The following PTCHD4 variants were observed in gnomAD, a reference collection of about 807,000 sequenced individuals.
The protein encoded by PTCHD4 is patched domain-containing protein 4.
A neutral mutation model predicts 58.1 loss-of-function variants in PTCHD4; 33 were observed. The observed-to-expected ratio is 0.57, with a 90% CI of 0.43 to 0.76. The LOEUF (loss-of-function observed/expected upper bound fraction) is 0.76, where lower values mean the gene tolerates loss of function less well. Among genes scored for constraint, PTCHD4 ranks in the 30% least tolerant of loss-of-function variants. The probability of loss-of-function intolerance (pLI) is 0.00; values close to 1 mark genes in which losing one functional copy is unlikely to be tolerated. For synonymous variants in PTCHD4, 478 were observed against 409.6 expected (o/e 1.17, Z -2.02); for missense variants, 1,058 against 1,027.1 (o/e 1.03, Z -0.41).
intron 1 of PTCHD4, among the ~76,000 whole-genome samples, chr6:48,102,387 C>T (rs1215274240): frequency 6.6e-6 from 1 of 152,196 alleles, no homozygotes; most frequent in Non-Finnish European, 1.5e-5. Flanking sequence ...GATGTAATTT[C>T]TAGTGTTCTC....
intron 1 of PTCHD4, among the ~76,000 whole-genome samples, chr6:48,080,453 T>C (rs1351156378): frequency 6.6e-6 from 1 of 152,208 alleles, no homozygotes; most frequent in Non-Finnish European, 1.5e-5. Context: ...TTTGGCAAAG[T>C]GCCCCTTCTT....
intron 4 of PTCHD4, among the ~76,000 whole-genome samples, chr6:47,941,676 G>A (rs923717944): frequency 6.6e-6 from 1 of 152,132 alleles, no homozygotes; most frequent in African/African-American, 2.4e-5. Flanking sequence ...TTGACTTTGA[G>A]GAAGTTACTT....
At chr6:48,019,289 C>T (rs188479033) in intron 3 of PTCHD4, among the ~76,000 whole-genome samples, 38 of 151,648 alleles carry the variant, frequency 2.5e-4, no homozygotes, top group Non-Finnish European at 4.0e-4. Context: ...ATACCGCTAT[C>T]GAGGATAGAG....
In PTCHD4 at chr6:47,859,683, G is replaced by A. The variant is rs1763376243; in HGVS notation, c.*18620C>T. On this transcript the variant is annotated 3_prime_UTR_variant, in exon 5 of 5. Coordinates refer to ENST00000339488, the MANE Select transcript of PTCHD4 (RefSeq NM_001384253.1). The stretch of plus-strand genomic sequence containing the variant: ...TAGAGCTTTCAATTTACTGGGGACA[G>A]ACAGACAATAAACAAATCCCATGAC... 6.6e-6 allele frequency among the ~76,000 whole-genome samples: 1 copy of A among 151,968 alleles called. No homozygotes were observed. Among genetic ancestry groups the A allele is most frequent in the Non-Finnish European group, 1.5e-5 (1 of 67,968 alleles).
At chr6:48,007,300 T>C (rs1475084795) in intron 4 of PTCHD4, among the ~76,000 whole-genome samples, 1 of 152,092 alleles carries the variant, frequency 6.6e-6, no homozygotes, top group Non-Finnish European at 1.5e-5. Context: ...CACAATGATA[T>C]TGAGTTAATA....
rs764962163 is a variant in PTCHD4, at chr6:47,879,838, C to T, written c.997G>A (p.Val333Met). 5 of 1,612,424 alleles carry T rather than the reference C, an allele frequency of 3.1e-6. No homozygotes were observed. The highest frequency in any genetic ancestry group is 4.2e-6 in the Non-Finnish European group (5 of 1,179,182). The change falls in exon 5 of 5, where the codon GTG (valine) becomes ATG (methionine). Residue 333 changes from valine to methionine, a missense_variant. Transcript: ENST00000339488. ...CTGGTCATGGTATAGGTGACCATCACATCAGAATAGGCATCTGCTATCCTG... is the reference window on the plus strand; with the variant it reads ...CTGGTCATGGTATAGGTGACCATCATATCAGAATAGGCATCTGCTATCCTG... ...KDRIADAYSD[V>M]MVTYTMTSSL...
chr6:47,958,915 C>G (rs1397024608), intron 4 of PTCHD4, among the ~76,000 whole-genome samples: 1 of 152,134 alleles, frequency 6.6e-6, no homozygotes, highest in Non-Finnish European at 1.5e-5. Context: ...GCTCTGATTT[C>G]ACTTAACAAA....
chr6:47,947,998 C>A lies in PTCHD4; in HGVS notation c.898+60636G>T, dbSNP rs150754325. 3.0e-3 allele frequency among the ~76,000 whole-genome samples: 461 copies of A among 152,266 alleles called. 1 individual carries two copies. Among genetic ancestry groups the A allele is most frequent in the African/African-American group, 0.011 (437 of 41,564 alleles). On this transcript the variant is annotated intron_variant, in intron 4 of 4. Transcript: ENST00000339488. ...TTCAAAGTGCAGTGTTCAATAATTT[C>A]TTCAGCTTGATTTCTCAGAAATTTC...
chr6:47,995,629 C>T (rs542793935), intron 4 of PTCHD4, among the ~76,000 whole-genome samples: 1 of 152,090 alleles, frequency 6.6e-6, no homozygotes, highest in African/African-American at 2.4e-5. Context: ...AAGTTCTTCC[C>T]CTGGAATACA....
chr6:48,002,449 G>A (rs1418423041), intron 4 of PTCHD4, among the ~76,000 whole-genome samples: 1 of 152,150 alleles, frequency 6.6e-6, no homozygotes, highest in Non-Finnish European at 1.5e-5. Context: ...ATGAGTTCAT[G>A]TCCTTTGTAG....
rs1396890901 is a variant in PTCHD4, at chr6:48,008,688, TGAA to T, written c.841_843del (p.Phe281del). The T allele has an allele frequency of 4.3e-6, 7 of 1,613,556 alleles. No homozygotes were observed. Among genetic ancestry groups the T allele is most frequent in the East Asian group, 4.5e-5 (2 of 44,856 alleles). ...GTGGAGTTGTACTTTCCATCGGTGATGAAGAAGATCCCTGCTGCTGTGATGATG... is the reference window on the plus strand; with the variant it reads ...GTGGAGTTGTACTTTCCATCGGTGATGAAGATCCCTGCTGCTGTGATGATG... On this transcript the variant is annotated inframe_deletion, in exon 4 of 5. Transcript: ENST00000339488.
intron 4 of PTCHD4, among the ~76,000 whole-genome samples, chr6:47,921,930 G>A (rs1472839419): frequency 6.8e-6 from 1 of 146,044 alleles, no homozygotes; most frequent in Admixed American, 6.9e-5. Flanking sequence ...GGGCAGCATA[G>A]CAAGACACCT....
intron 1 of PTCHD4, among the ~76,000 whole-genome samples, chr6:48,071,473 C>T (rs1764973506): frequency 6.6e-6 from 1 of 152,046 alleles, no homozygotes; most frequent in African/African-American, 2.4e-5. Flanking sequence ...TAGAATGTTT[C>T]CGTTTATTGC....
intron 1 of PTCHD4, among the ~76,000 whole-genome samples, chr6:48,110,835 T>G (rs976608838): frequency 5.4e-5 from 8 of 149,182 alleles, no homozygotes; most frequent in Non-Finnish European, 8.9e-5. Context: ...TACAAATATG[T>G]TCTCCCAATC....
intron 4 of PTCHD4, among the ~76,000 whole-genome samples, chr6:47,918,826 C>T (rs1360434059): frequency 1.3e-5 from 2 of 152,142 alleles, no homozygotes; most frequent in African/African-American, 4.8e-5. Flanking sequence ...TGTACTCTTA[C>T]TGCTAGGTGT....
rs935482413 is a variant in PTCHD4 at position 47,856,712 on chromosome 6, C to G, written c.*21591G>C. On this transcript the variant is annotated 3_prime_UTR_variant, in exon 5 of 5. Transcript: ENST00000339488. Reference sequence around the variant, plus strand: ...ACTTTAATTAGAAAACCAGACTCCTCTGATTATAAAAATTACACAAGCTAA... The same window carrying G: ...ACTTTAATTAGAAAACCAGACTCCTGTGATTATAAAAATTACACAAGCTAA... Among the ~76,000 whole-genome samples the G allele has an allele frequency of 6.6e-6, 1 of 151,928 alleles. No individual in the cohort carries two copies. Among genetic ancestry groups the G allele is most frequent in the East Asian group, 1.9e-4 (1 of 5,172 alleles).
At chr6:47,934,128 C>T (rs112119454) in intron 4 of PTCHD4, among the ~76,000 whole-genome samples, 191 of 152,134 alleles carry the variant, frequency 1.3e-3, no homozygotes, top group African/African-American at 4.4e-3. Context: ...GGGTCCCAGG[C>T]GAAACTCCAA....
chr6:48,024,329 G>T (rs1209744945), intron 3 of PTCHD4, among the ~76,000 whole-genome samples: 1 of 152,086 alleles, frequency 6.6e-6, no homozygotes, highest in African/African-American at 2.4e-5. Context: ...GGTGTATTTA[G>T]CTAAAATGAA....
At position 48,018,921 on chromosome 6, in the gene PTCHD4, C is replaced by A. The variant is rs1355420101; in HGVS notation, c.418-9807G>T. Among the ~76,000 whole-genome samples, 8 of 152,120 alleles carry A rather than the reference C, an allele frequency of 5.3e-5. No homozygotes were observed. In the East Asian group the frequency reaches 1.5e-3, roughly 29 times the overall value. Reference sequence around the variant, plus strand: ...CCCCTTCAGTAGAAAGATTAAAAGTCCTGCCATTATTGCCTTTCTTTTGGA... The same window carrying A: ...CCCCTTCAGTAGAAAGATTAAAAGTACTGCCATTATTGCCTTTCTTTTGGA... On this transcript the variant is annotated intron_variant, in intron 3 of 4. Coordinates refer to ENST00000339488, the MANE Select transcript of PTCHD4 (RefSeq NM_001384253.1).
Sources: allele counts gnomAD v4.1 joint callset (sites outside exome capture counted in the v4.1 genomes callset), GRCh38; gene constraint gnomAD v4.1.1; transcripts MANE v1.5; gene names NCBI Gene and HGNC (gene_info 2026-07-23, HGNC 2026-07-21).